Variants in BCKDHB observed in about 807,000 individuals in gnomAD.
BCKDHB encodes branched chain keto acid dehydrogenase E1 subunit beta.
BCKDHB carries 41 observed loss-of-function variants against 48.5 expected under a neutral mutation model. The ratio of observed to expected loss-of-function variants is 0.85; its 90% CI spans 0.66 to 1.10. The LOEUF is 1.10. BCKDHB is among the 50% of genes least tolerant of loss of function. The pLI is 0.00. For synonymous variants in BCKDHB, 201 were observed against 174.8 expected (o/e 1.15, Z -1.18); for missense variants, 496 against 494.2 (o/e 1.00, Z -0.03).
chr6:80,209,310 A>G (rs1487497092), intron 8 of BCKDHB, among the ~76,000 whole-genome samples: 1 of 151,958 alleles, frequency 6.6e-6, no homozygotes, highest in Non-Finnish European at 1.5e-5. Context: ...AAATCACAGA[A>G]TATTATTTAG....
chr6:80,362,021 C>G, the BCKDHB span, among the ~76,000 whole-genome samples: 2 of 152,178 alleles, frequency 1.3e-5, no homozygotes, highest in East Asian at 3.9e-4. Context: ...GATATACCAT[C>G]TGTGTATACC....
the BCKDHB span, among the ~76,000 whole-genome samples, chr6:80,417,751 T>C: frequency 2.0e-5 from 3 of 149,732 alleles, no homozygotes; most frequent in African/African-American, 7.7e-5. Flanking sequence ...CATTTCTCTC[T>C]AGTTGCCTTT....
At chr6:80,110,325 C>T (rs1049144280) in intron 1 of BCKDHB, among the ~76,000 whole-genome samples, 1 of 152,122 alleles carries the variant, frequency 6.6e-6, no homozygotes, top group African/African-American at 2.4e-5. Context: ...ATGGACCTGT[C>T]GGAGGGTAAT....
At chr6:80,335,549 A>G (rs991471185) in intron 9 of BCKDHB, among the ~76,000 whole-genome samples, 1 of 152,068 alleles carries the variant, frequency 6.6e-6, no homozygotes, top group Non-Finnish European at 1.5e-5. Context: ...TTGAATGTAA[A>G]GTGTTTTAAC....
At chr6:80,451,460 C>A in the BCKDHB span, among the ~76,000 whole-genome samples, 4 of 152,128 alleles carry the variant, frequency 2.6e-5, no homozygotes, top group Non-Finnish European at 5.9e-5. Context: ...AAGTGGCATT[C>A]TTGGCTAGGC....
Position 80,114,271 on chromosome 6 carries a change from C to T in BCKDHB, c.196+7382C>T, listed in dbSNP as rs1458673858. On this transcript the variant is annotated intron_variant, in intron 1 of 9. Coordinates refer to ENST00000320393, the MANE Select transcript of BCKDHB (RefSeq NM_183050.4). ...TTTTTTTTTTTTTTTTAATTAAATA[C>T]AGGGTCTCACTCTCTTGTCTAGGCT... Among the ~76,000 whole-genome samples, 3 of 148,510 alleles carry T rather than the reference C, an allele frequency of 2.0e-5. No individual in the cohort carries two copies. The East Asian group carries it at 5.9e-4, about 29-fold the overall frequency.
the BCKDHB span, among the ~76,000 whole-genome samples, chr6:80,387,811 A>T: frequency 6.6e-6 from 1 of 152,232 alleles, no homozygotes; most frequent in Non-Finnish European, 1.5e-5. Flanking sequence ...GTCGCTTTTC[A>T]CTTCTGCAAG....
intron 9 of BCKDHB, among the ~76,000 whole-genome samples, chr6:80,330,257 G>T (rs751629658): frequency 2.6e-5 from 4 of 152,116 alleles, no homozygotes; most frequent in Admixed American, 2.6e-4. Flanking sequence ...CACCAGTGTG[G>T]CATCTAGTGG....
At chr6:80,210,244 G>GTA (rs1562139619) in intron 8 of BCKDHB, among the ~76,000 whole-genome samples, 1 of 151,316 alleles carries the variant, frequency 6.6e-6, no homozygotes, top group African/African-American at 2.4e-5. Flanking sequence ...TCAATAATAA[G>GTA]TATAATATTG....
intron 1 of BCKDHB, among the ~76,000 whole-genome samples, chr6:80,125,246 C>T (rs573477340): frequency 6.6e-6 from 1 of 152,284 alleles, no homozygotes; most frequent in South Asian, 2.1e-4. Context: ...TTTTCTTCGG[C>T]AGCTTCCTCA....
intron 6 of BCKDHB, among the ~76,000 whole-genome samples, chr6:80,171,695 T>G (rs1772927049): frequency 1.3e-5 from 2 of 152,064 alleles, no homozygotes; most frequent in African/African-American, 4.8e-5. Context: ...GAAAAGTAAA[T>G]GAGCTCATTT....
At chr6:80,168,795 G>GAGGGAGGGAGGA (rs1772725090) in intron 4 of BCKDHB, 80 bp from the exon 5 acceptor site, 1 of 628,750 alleles carries the variant, frequency 1.6e-6, no homozygotes, top group African/African-American at 4.7e-5. Flanking sequence ...GGAAGGAAGG[G>GAGGGAGGGAGGA]AGGGAGGGAG....
At chr6:80,164,129 C>T (rs1006900494) in intron 3 of BCKDHB, among the ~76,000 whole-genome samples, 9 of 152,144 alleles carry the variant, frequency 5.9e-5, no homozygotes, top group African/African-American at 2.2e-4. Context: ...TTTTCTCACT[C>T]ACCTGCTCTC....
rs1252511689 is a variant in BCKDHB at position 80,106,687 on chromosome 6, A to G, written c.-7A>G. 1.0e-5 allele frequency: 16 copies of G among 1,552,692 alleles called. No homozygotes were observed. Among genetic ancestry groups the G allele is most frequent in the Non-Finnish European group, 1.3e-5 (15 of 1,148,924 alleles). ...GCATAGCCTGAGAATCCCGGTGGTGAGCGGGGATGGCGGTTGTAGCGGCGG... is the reference window on the plus strand; with the variant it reads ...GCATAGCCTGAGAATCCCGGTGGTGGGCGGGGATGGCGGTTGTAGCGGCGG... On this transcript the variant is annotated 5_prime_UTR_variant, in exon 1 of 10. Coordinates refer to ENST00000320393, the MANE Select transcript of BCKDHB (RefSeq NM_183050.4).
At chr6:80,196,356 C>T (rs1047414544) in intron 6 of BCKDHB, among the ~76,000 whole-genome samples, 3 of 152,166 alleles carry the variant, frequency 2.0e-5, no homozygotes, top group Non-Finnish European at 4.4e-5. Context: ...TCAAGTACCT[C>T]TGTCTCTAAG....
intron 9 of BCKDHB, among the ~76,000 whole-genome samples, chr6:80,274,955 A>G (rs1777908656): frequency 6.6e-6 from 1 of 152,088 alleles, no homozygotes; most frequent in African/African-American, 2.4e-5. Context: ...CATAGTCACT[A>G]TAACTAACAT....
intron 3 of BCKDHB, among the ~76,000 whole-genome samples, chr6:80,140,225 G>A (rs1184302561): frequency 6.6e-6 from 1 of 152,142 alleles, no homozygotes; most frequent in East Asian, 1.9e-4. Flanking sequence ...GGGGTTTCTA[G>A]ATATACAATC....
At chr6:80,366,480 A>G in the BCKDHB span, among the ~76,000 whole-genome samples, 1 of 152,322 alleles carries the variant, frequency 6.6e-6, no homozygotes, top group Non-Finnish European at 1.5e-5. Context: ...GAAAAGAAGG[A>G]TTAAAGAATC....
the BCKDHB span, among the ~76,000 whole-genome samples, chr6:80,465,161 T>G: frequency 6.6e-6 from 1 of 152,172 alleles, no homozygotes; most frequent in Admixed American, 6.5e-5. Flanking sequence ...TCCCCAAATG[T>G]AGAAGAGATG....
Sources: gnomAD v4.1 joint callset for allele counts (sites outside exome capture counted in the v4.1 genomes callset) on GRCh38, gnomAD v4.1.1 for gene constraint, MANE v1.5 for transcripts, NCBI Gene and HGNC (gene_info 2026-07-23, HGNC 2026-07-21) for gene names.